NR1I2: variants seen among roughly 807,000 people sequenced by gnomAD.
NR1I2 encodes orphan nuclear receptor PAR1.
Under a neutral mutation model 43.3 loss-of-function variants are expected in NR1I2, and 42 were observed. The observed-to-expected ratio is 0.97, with a 90% CI of 0.76 to 1.26. The LOEUF is 1.26. NR1I2 is among the 50% of genes most tolerant of loss of function. NR1I2 has a pLI of 0.00. For synonymous variants in NR1I2, 229 were observed against 215.0 expected, an observed-to-expected ratio of 1.06 and a Z score of -0.57; for missense variants, 559 against 566.7, an observed-to-expected ratio of 0.99 and a Z score of 0.14.
chr3:119,798,842 C>T (rs1482872985), intron 1 of NR1I2, among the ~76,000 whole-genome samples: 1 of 152,116 alleles, frequency 6.6e-6, no homozygotes, highest in Non-Finnish European at 1.5e-5. Flanking sequence ...TTTCAAGGTT[C>T]ATCTGTGCTG....
intron 1 of NR1I2, chr3:119,792,470 G>GACAT: frequency 5.4e-6 from 6 of 1,106,154 alleles, no homozygotes; most frequent in Non-Finnish European, 8.1e-6. Flanking sequence ...AGCTGCAGAG[G>GACAT]ACATCACGTA....
At chr3:119,790,482 A>G (rs2107948822) in intron 1 of NR1I2, among the ~76,000 whole-genome samples, 1 of 152,282 alleles carries the variant, frequency 6.6e-6, no homozygotes, top group Non-Finnish European at 1.5e-5. Context: ...AAATTGCCAT[A>G]TTGTTATCTA....
At chr3:119,782,812 A>G (rs1481938012) in intron 1 of NR1I2, 2 of 1,614,206 alleles carry the variant, frequency 1.2e-6, no homozygotes, top group East Asian at 2.2e-5. Context: ...AGCACCTGCC[A>G]TACCCCTGCA....
chr3:119,804,484 G>A (rs149095677), intron 1 of NR1I2, among the ~76,000 whole-genome samples: 1,251 of 121,280 alleles, frequency 0.01, 20 homozygotes, highest in African/African-American at 0.038. Flanking sequence ...TGTTCTTATC[G>A]TCCAGGCTGG....
At chr3:119,811,435 C>T in intron 3 of NR1I2, 104 bp from the exon 4 acceptor site, 1 of 1,143,134 alleles carries the variant, frequency 8.7e-7, no homozygotes, top group South Asian at 1.6e-5. Flanking sequence ...TTCTCTTTTG[C>T]CTAACGGCTT....
intron 1 of NR1I2, among the ~76,000 whole-genome samples, chr3:119,785,617 T>A (rs2054832939): frequency 6.6e-6 from 1 of 152,214 alleles, no homozygotes; most frequent in African/African-American, 2.4e-5. Flanking sequence ...TCTCCTATTC[T>A]ACCATTAAAA....
Position 119,801,572 on chromosome 3 carries a change from C to G in NR1I2, c.-22-5657C>G, listed in dbSNP as rs184247480. 5.7e-4 allele frequency among the ~76,000 whole-genome samples: 87 copies of G among 152,332 alleles called. 1 individual carries two copies. The highest frequency in any genetic ancestry group is 1.9e-3 in the African/African-American group (81 of 41,578). On this transcript the variant is annotated intron_variant, in intron 1 of 8. Transcript: ENST00000393716. Reference sequence around the variant, plus strand: ...GACTGCAGCTGCTGGGCTGGCTCCCCCATCACCACAGTTCAGATCTATTTC... The same window carrying G: ...GACTGCAGCTGCTGGGCTGGCTCCCGCATCACCACAGTTCAGATCTATTTC...
chr3:119,782,996 A>C, intron 1 of NR1I2: 1 of 723,462 alleles, frequency 1.4e-6, no homozygotes, highest in Non-Finnish European at 2.5e-6. Context: ...GCACTGCTTT[A>C]AGGCCACTCC....
At chr3:119,788,354 G>A in intron 1 of NR1I2, among the ~76,000 whole-genome samples, 1 of 152,178 alleles carries the variant, frequency 6.6e-6, no homozygotes, top group South Asian at 2.1e-4. Flanking sequence ...CTGGCCTCAA[G>A]TGATCCTCCT....
chr3:119,814,874 C>G, intron 5 of NR1I2, 105 bp from the exon 6 acceptor site: 1 of 1,418,552 alleles, frequency 7.0e-7, no homozygotes, highest in South Asian at 1.2e-5. Context: ...AGCCATCCTC[C>G]CTCTTCCTCT....
intron 1 of NR1I2, among the ~76,000 whole-genome samples, chr3:119,803,445 G>A (rs757890426): frequency 2.6e-4 from 39 of 152,070 alleles, no homozygotes; most frequent in Non-Finnish European, 5.0e-4. Context: ...GAGGGAGAAA[G>A]TGCCATAGAT....
chr3:119,788,668 C>A (rs868303299), intron 1 of NR1I2, among the ~76,000 whole-genome samples: 2 of 152,072 alleles, frequency 1.3e-5, no homozygotes, highest in South Asian at 2.1e-4. Context: ...GAACTCCTGG[C>A]CTCAAATGAT....
chr3:119,810,190 G>A lies in NR1I2; in HGVS notation c.327G>A (p.Lys109=). Residue 109 remains lysine, a synonymous_variant, in exon 3 of 9, where the codon AAG becomes AAA. Coordinates refer to ENST00000393716, the MANE Select transcript of NR1I2 (RefSeq NM_003889.4). ...AGTGCCTGGAGAGCGGCATGAAGAA[G>A]GAGAGTGAGCAGTGGGCGCGCGGGC... 6.2e-7 allele frequency: 1 copy of A among 1,605,674 alleles called. No homozygotes were observed. Among genetic ancestry groups the A allele is most frequent in the Non-Finnish European group, 8.5e-7 (1 of 1,176,308 alleles).
At chr3:119,793,765 C>T (rs2054953832) in intron 1 of NR1I2, among the ~76,000 whole-genome samples, 1 of 152,176 alleles carries the variant, frequency 6.6e-6, no homozygotes, top group Admixed American at 6.6e-5. Context: ...AACATATTCA[C>T]ATGTTCTGGG....
intron 2 of NR1I2, 137 bp downstream of exon 2, chr3:119,807,584 AG>A: frequency 1.4e-6 from 1 of 724,094 alleles, no homozygotes; most frequent in Non-Finnish European, 2.4e-6. Flanking sequence ...ATTAGTCTCA[AG>A]GGAGCCATTT....
chr3:119,797,370 G>A (rs2055016090), intron 1 of NR1I2, among the ~76,000 whole-genome samples: 1 of 152,116 alleles, frequency 6.6e-6, no homozygotes, highest in Non-Finnish European at 1.5e-5. Flanking sequence ...CAGTGGGCCA[G>A]GCAGGAGGTG....
At chr3:119,782,457 G>A (rs970926531) in intron 1 of NR1I2, among the ~76,000 whole-genome samples, 157 bp downstream of exon 1, 4 of 151,558 alleles carry the variant, frequency 2.6e-5, no homozygotes, top group Non-Finnish European at 5.9e-5. Flanking sequence ...CATTTCTAGG[G>A]TGGAAAAAAA....
At chr3:119,791,596 T>A (rs1239792239) in intron 1 of NR1I2, among the ~76,000 whole-genome samples, 1 of 152,212 alleles carries the variant, frequency 6.6e-6, no homozygotes, top group East Asian at 1.9e-4. Flanking sequence ...TTGGATGTTT[T>A]ATCCCTTCCA....
At chr3:119,816,943 C>T in intron 8 of NR1I2, 125 bp from the exon 9 acceptor site, 1 of 1,294,834 alleles carries the variant, frequency 7.7e-7, no homozygotes, top group South Asian at 1.2e-5. Context: ...CGGAATTCAG[C>T]CAAGCCTTGT....
Sources: gnomAD v4.1 joint callset for allele counts (sites outside exome capture counted in the v4.1 genomes callset) on GRCh38, gnomAD v4.1.1 for gene constraint, MANE v1.5 for transcripts, NCBI Gene and HGNC (gene_info 2026-07-23, HGNC 2026-07-21) for gene names.